The following ANKS1B variants were observed in gnomAD, a reference collection of about 807,000 sequenced individuals.
ANKS1B encodes ankyrin repeat and sterile alpha motif domain-containing protein 1B.
Under a neutral mutation model 148.3 loss-of-function variants are expected in ANKS1B, and 36 were observed. The observed-to-expected ratio is 0.24, with a 90% confidence interval of 0.19 to 0.32. The LOEUF is 0.32. Among genes scored for constraint, ANKS1B ranks in the 10% least tolerant of loss-of-function variants. ANKS1B has a pLI of 1.00. For missense variants in ANKS1B, 1,157 were observed against 1,542.6 expected (o/e 0.75, Z 4.19); for synonymous variants, 542 against 560.8 (o/e 0.97, Z 0.47).
At chr12:99,860,565 C>A (rs561050404) in intron 1 of ANKS1B, among the ~76,000 whole-genome samples, 1 of 152,342 alleles carries the variant, frequency 6.6e-6, no homozygotes, top group East Asian at 1.9e-4. Context: ...CTGGAGGACA[C>A]ATGGAGGATG....
At chr12:99,041,066 T>G (rs2099958643) in intron 17 of ANKS1B, among the ~76,000 whole-genome samples, 2 of 152,222 alleles carry the variant, frequency 1.3e-5, no homozygotes, top group South Asian at 4.1e-4. Flanking sequence ...AGCCATCTAC[T>G]TTGAGTCTGC....
At chr12:99,692,527 T>A (rs531014819) in intron 8 of ANKS1B, among the ~76,000 whole-genome samples, 3 of 151,726 alleles carry the variant, frequency 2.0e-5, no homozygotes, top group Non-Finnish European at 4.4e-5. Flanking sequence ...AAAAATTAGC[T>A]GGGCATGGTG....
chr12:99,974,097 A>G (rs1338089256), intron 1 of ANKS1B, among the ~76,000 whole-genome samples: 1 of 152,164 alleles, frequency 6.6e-6, no homozygotes, highest in East Asian at 1.9e-4. Flanking sequence ...AGCCATCCCA[A>G]CCTTCAGCAA....
chr12:99,293,154 T>C (rs1246985811), intron 12 of ANKS1B, among the ~76,000 whole-genome samples: 3 of 152,154 alleles, frequency 2.0e-5, no homozygotes, highest in South Asian at 2.1e-4. Context: ...ATATACACCA[T>C]GGAATACTAT....
intron 1 of ANKS1B, among the ~76,000 whole-genome samples, chr12:99,928,053 T>C (rs1192207175): frequency 6.6e-6 from 1 of 152,026 alleles, no homozygotes; most frequent in Non-Finnish European, 1.5e-5. Flanking sequence ...CTTATAGAAC[T>C]CTTGTTATAT....
At chr12:99,541,848 C>T (rs1419832772) in intron 9 of ANKS1B, among the ~76,000 whole-genome samples, 11 of 132,084 alleles carry the variant, frequency 8.3e-5, no homozygotes, top group East Asian at 2.2e-4. Flanking sequence ...AGCGAGACTC[C>T]GTCTAAAAAA....
At chr12:99,079,873 G>A (rs1051647904) in intron 16 of ANKS1B, 1 of 151,982 alleles carries the variant, frequency 6.6e-6, no homozygotes, top group Non-Finnish European at 1.5e-5. Context: ...GAATAGACTC[G>A]CTCTCCTGGG....
At chr12:98,806,195 G>A (rs2099049833) in intron 20 of ANKS1B, among the ~76,000 whole-genome samples, 2 of 152,108 alleles carry the variant, frequency 1.3e-5, no homozygotes, top group Admixed American at 1.3e-4. Flanking sequence ...TCTTCTTAAG[G>A]AAAAAGTTTC....
intron 9 of ANKS1B, among the ~76,000 whole-genome samples, chr12:99,584,490 T>C (rs56115967): frequency 0.12 from 17,872 of 151,914 alleles, 1,305 homozygotes; most frequent in Non-Finnish European, 0.16. Flanking sequence ...TCCCAACTAC[T>C]GGGAGGCTGA....
At chr12:98,932,223 C>T (rs946591667) in intron 17 of ANKS1B, among the ~76,000 whole-genome samples, 1 of 152,104 alleles carries the variant, frequency 6.6e-6, no homozygotes, top group Non-Finnish European at 1.5e-5. Context: ...TCCAATCAGC[C>T]CTGCAGCTCC....
At chr12:98,905,697 A>G (rs2099778059) in intron 17 of ANKS1B, among the ~76,000 whole-genome samples, 1 of 152,054 alleles carries the variant, frequency 6.6e-6, no homozygotes. Flanking sequence ...ACTTGCGCCC[A>G]GGAAGTTGAG....
At chr12:99,005,289 T>C (rs1366181894) in intron 17 of ANKS1B, among the ~76,000 whole-genome samples, 1 of 152,022 alleles carries the variant, frequency 6.6e-6, no homozygotes, top group Non-Finnish European at 1.5e-5. Context: ...CTGTTGTTGC[T>C]GTGGCCCGGT....
intron 8 of ANKS1B, among the ~76,000 whole-genome samples, chr12:99,751,943 G>C (rs1005589496): frequency 6.6e-6 from 1 of 152,046 alleles, no homozygotes; most frequent in Non-Finnish European, 1.5e-5. Context: ...GGGCAGAGGA[G>C]AGTGTGAGAA....
intron 14 of ANKS1B, among the ~76,000 whole-genome samples, chr12:99,211,258 T>G (rs2083305737): frequency 6.6e-6 from 1 of 151,956 alleles, no homozygotes; most frequent in African/African-American, 2.4e-5. Context: ...TAAAATGGAG[T>G]CAGTCATGCT....
At chr12:99,036,817 A>G (rs2099955840) in intron 17 of ANKS1B, among the ~76,000 whole-genome samples, 1 of 152,208 alleles carries the variant, frequency 6.6e-6, no homozygotes, top group African/African-American at 2.4e-5. Context: ...AAAAGATTAC[A>G]TGTTACATGC....
chr12:99,601,275 C>T (rs1158141367), intron 9 of ANKS1B, among the ~76,000 whole-genome samples: 2 of 152,004 alleles, frequency 1.3e-5, no homozygotes, highest in Non-Finnish European at 2.9e-5. Context: ...AAATTTTTAA[C>T]CTGTGTAAAT....
At chr12:99,611,275 A>G (rs2097900178) in intron 9 of ANKS1B, among the ~76,000 whole-genome samples, 1 of 152,118 alleles carries the variant, frequency 6.6e-6, no homozygotes, top group Non-Finnish European at 1.5e-5. Flanking sequence ...TCTAGTTCAG[A>G]TACTCTAGAC....
intron 10 of ANKS1B, among the ~76,000 whole-genome samples, chr12:99,499,893 C>G (rs145877378): frequency 1.1e-4 from 17 of 151,824 alleles, no homozygotes; most frequent in African/African-American, 4.1e-4. Flanking sequence ...GCTGCCAAAA[C>G]AAAAACTTAA....
At chr12:99,443,415 T>C (rs1313878756) in intron 11 of ANKS1B, among the ~76,000 whole-genome samples, 1 of 152,010 alleles carries the variant, frequency 6.6e-6, no homozygotes. Context: ...AGAAAAATGA[T>C]GTAAAATAGC....
Sources: allele counts gnomAD v4.1 joint callset (sites outside exome capture counted in the v4.1 genomes callset), GRCh38; gene constraint gnomAD v4.1.1; transcripts MANE v1.5; gene names NCBI Gene and HGNC (gene_info 2026-07-23, HGNC 2026-07-21).